Variants in CCDC60 observed in about 807,000 individuals in gnomAD.
CCDC60 encodes coiled-coil domain-containing protein 60.
Under a neutral mutation model 63.5 loss-of-function variants are expected in CCDC60, and 54 were observed. That is an observed-to-expected ratio of 0.85 (90% confidence interval 0.68 to 1.07). The LOEUF is 1.07. Among genes scored for constraint, CCDC60 ranks in the 50% least tolerant of loss-of-function variants. The probability of loss-of-function intolerance (pLI) is 0.00; values close to 1 mark genes in which losing one functional copy is unlikely to be tolerated. For synonymous variants in CCDC60, 206 were observed against 238.8 expected (o/e 0.86, Z 1.27); for missense variants, 651 against 684.3 (o/e 0.95, Z 0.54).
chr12:119,476,920 C>T (rs1358495138), intron 3 of CCDC60, among the ~76,000 whole-genome samples: 2 of 152,250 alleles, frequency 1.3e-5, no homozygotes, highest in East Asian at 3.8e-4. Context: ...GATTTCAGCT[C>T]AATATTTACT....
intron 1 of CCDC60, 84 bp downstream of exon 1, chr12:119,335,350 T>C (rs1203675073): frequency 9.7e-7 from 1 of 1,029,810 alleles, no homozygotes; most frequent in East Asian, 2.5e-5. Context: ...TATTTCTAGT[T>C]CTAGATCCCT....
chr12:119,383,716 A>G (rs1022225916), intron 1 of CCDC60, among the ~76,000 whole-genome samples: 1 of 152,210 alleles, frequency 6.6e-6, no homozygotes, highest in African/African-American at 2.4e-5. Flanking sequence ...TACATTTTTA[A>G]AAACTTGAGC....
chr12:119,380,445 C>G (rs1395420956), intron 1 of CCDC60, among the ~76,000 whole-genome samples: 1 of 152,134 alleles, frequency 6.6e-6, no homozygotes, highest in Non-Finnish European at 1.5e-5. Context: ...AAATGAATAT[C>G]AAGAAAGTAT....
chr12:119,507,563 TATATATGTATATATAC>T lies in CCDC60; in HGVS notation c.883+2262_883+2277del, dbSNP rs1566050206. ...ACACATATATATACATATATATATA[TATATATGTATATATAC>T]ACATATATATACATATATATATATA... On this transcript the variant is annotated intron_variant, in intron 7 of 13. Transcript: ENST00000327554. 5.7e-4 allele frequency among the ~76,000 whole-genome samples: 38 copies of T among 66,970 alleles called. 1 individual carries two copies. Among genetic ancestry groups the T allele is most frequent in the African/African-American group, 2.6e-3 (31 of 11,810 alleles). The allele number at this position is 66,970 out of a possible 152,430, so 43.9% of individuals were successfully genotyped here. A position where few individuals can be genotyped will look rare whatever the true frequency, so the allele number is the denominator to read the frequency against.
chr12:119,537,624 A>C (rs185059278), intron 13 of CCDC60, among the ~76,000 whole-genome samples: 106 of 151,956 alleles, frequency 7.0e-4, no homozygotes, highest in African/African-American at 2.4e-3. Flanking sequence ...GTTGATGTTG[A>C]TGCTATTCCT....
intron 7 of CCDC60, among the ~76,000 whole-genome samples, chr12:119,510,809 C>T (rs1041805686): frequency 5.9e-5 from 9 of 152,124 alleles, no homozygotes; most frequent in African/African-American, 1.9e-4. Context: ...AAGCAAAGTA[C>T]GAAAGTGCCC....
chr12:119,483,821 T>C (rs1426776580), intron 4 of CCDC60, among the ~76,000 whole-genome samples: 1 of 152,130 alleles, frequency 6.6e-6, no homozygotes, highest in East Asian at 1.9e-4. Context: ...ATTCCCTGCA[T>C]TTAAAAAAAT....
chr12:119,375,652 T>C (rs979087223), intron 1 of CCDC60, among the ~76,000 whole-genome samples: 2 of 152,250 alleles, frequency 1.3e-5, no homozygotes, highest in Non-Finnish European at 2.9e-5. Flanking sequence ...AGTCAGGGAC[T>C]GAGAGACCAG....
rs566917825 is a variant in CCDC60 at position 119,406,686 on chromosome 12, CA to C, written c.91-21984del. ...TAATAAAAAGGTAAGCTGAATATAG[CA>C]AAAAAAAAAAAAGGTTTTAAATTGG... On this transcript the variant is annotated intron_variant, in intron 1 of 13. Coordinates refer to ENST00000327554, the MANE Select transcript of CCDC60 (RefSeq NM_178499.5). 4.3e-3 allele frequency among the ~76,000 whole-genome samples: 572 copies of C among 134,358 alleles called. 1 individual carries two copies. The highest frequency in any genetic ancestry group is 6.0e-3 in the African/African-American group (215 of 35,756). 88.1% of individuals were successfully genotyped at this position (134,358 alleles called of 152,430 possible). A position where few individuals can be genotyped will look rare whatever the true frequency, so the allele number is the denominator to read the frequency against.
At chr12:119,533,955 GA>G (rs1952930792) in intron 13 of CCDC60, among the ~76,000 whole-genome samples, 1 of 152,200 alleles carries the variant, frequency 6.6e-6, no homozygotes, top group Non-Finnish European at 1.5e-5. Flanking sequence ...ATTTTGTGAA[GA>G]AAGTCATTGG....
At chr12:119,431,398 A>C (rs976952690) in intron 2 of CCDC60, among the ~76,000 whole-genome samples, 2 of 152,222 alleles carry the variant, frequency 1.3e-5, no homozygotes, top group African/African-American at 4.8e-5. Flanking sequence ...GGTGGGGACC[A>C]CAAGATTAGA....
intron 1 of CCDC60, among the ~76,000 whole-genome samples, chr12:119,373,476 T>C (rs1266162237): frequency 6.6e-6 from 1 of 152,120 alleles, no homozygotes; most frequent in Non-Finnish European, 1.5e-5. Flanking sequence ...GCACTGTCAA[T>C]AGAAGCTTGC....
At chr12:119,528,793 G>A (rs750228230) in intron 12 of CCDC60, 47 bp downstream of exon 12, 1 of 1,575,034 alleles carries the variant, frequency 6.3e-7, no homozygotes, top group South Asian at 1.2e-5. Context: ...AAGAGAACAG[G>A]GTGTTGTTAT....
intron 11 of CCDC60, chr12:119,524,407 C>A (rs73219484): frequency 0.02 from 20,004 of 982,724 alleles, 232 homozygotes; most frequent in Non-Finnish European, 0.023. Context: ...CTCCTTGACT[C>A]CAGAGACCAT....
chr12:119,371,036 T>A (rs1384892016), intron 1 of CCDC60, among the ~76,000 whole-genome samples: 1 of 152,044 alleles, frequency 6.6e-6, no homozygotes, highest in African/African-American at 2.4e-5. Context: ...TGTCTCTATT[T>A]TAAAAAATAA....
chr12:119,383,289 A>G (rs989561785), intron 1 of CCDC60, among the ~76,000 whole-genome samples: 3 of 152,206 alleles, frequency 2.0e-5, no homozygotes, highest in African/African-American at 4.8e-5. Context: ...TTTTGCTTCT[A>G]TAGCATCTCT....
intron 1 of CCDC60, among the ~76,000 whole-genome samples, chr12:119,383,771 AAC>A (rs1444309984): frequency 6.6e-6 from 1 of 152,186 alleles, no homozygotes; most frequent in Non-Finnish European, 1.5e-5. Flanking sequence ...ACCTGAATAA[AAC>A]GCAATCTAGA....
intron 6 of CCDC60, 54 bp downstream of exon 6, chr12:119,500,222 G>A (rs552488615): frequency 6.6e-5 from 82 of 1,233,802 alleles, no homozygotes; most frequent in Middle Eastern, 2.3e-4. Flanking sequence ...AGCTTGTGTT[G>A]AGGAGTATTT....
intron 7 of CCDC60, among the ~76,000 whole-genome samples, chr12:119,507,559 T>TACAC (rs1566050143): frequency 4.2e-5 from 3 of 71,018 alleles, no homozygotes; most frequent in Non-Finnish European, 6.9e-5. Flanking sequence ...TACATATATA[T>TACAC]ATATATATAT....
Sources: gnomAD v4.1 joint callset for allele counts (sites outside exome capture counted in the v4.1 genomes callset) on GRCh38, gnomAD v4.1.1 for gene constraint, MANE v1.5 for transcripts, NCBI Gene and HGNC (gene_info 2026-07-23, HGNC 2026-07-21) for gene names.